Variants in GPR158 observed in about 807,000 individuals in gnomAD.
GPR158 encodes metabotropic glycine receptor.
Under a neutral mutation model 78.2 loss-of-function variants are expected in GPR158, and 30 were observed. That is an observed-to-expected ratio of 0.38 (90% confidence interval 0.29 to 0.52). GPR158 has a LOEUF of 0.52. Ranked by LOEUF, GPR158 falls within the 20% of genes least tolerant of loss-of-function variation. The pLI is 0.83. For missense variants in GPR158, 1,463 were observed against 1,523.5 expected (o/e 0.96, Z 0.66); for synonymous variants, 581 against 591.1 (o/e 0.98, Z 0.25).
rs1837374700 is a variant in GPR158 at position 25,594,322 on chromosome 10, T to C, written c.1923T>C (p.Asp641=). ...TTCTTGCCTCAAGACTTCAGTCTGA[T>C]TGGATGTTGATGCTGTATTTTGCAC... ...RFVLASRLQS[D]WMLMLYFAHT... Residue 641 remains aspartate, a synonymous_variant, in exon 9 of 11, where the codon GAT becomes GAC. Coordinates refer to ENST00000376351, the MANE Select transcript of GPR158 (RefSeq NM_020752.3). 1.3e-6 allele frequency: 2 copies of C among 1,588,970 alleles called. No homozygotes were observed. The highest frequency in any genetic ancestry group is 1.3e-5 in the African/African-American group (1 of 74,382).
At chr10:25,413,741 T>C (rs925568024) in intron 4 of GPR158, among the ~76,000 whole-genome samples, 2 of 152,184 alleles carry the variant, frequency 1.3e-5, no homozygotes, top group South Asian at 2.1e-4. Flanking sequence ...TTCTAGGAGA[T>C]TGTATTCATT....
chr10:25,339,874 G>T (rs1465263560), intron 2 of GPR158, among the ~76,000 whole-genome samples: 1 of 152,050 alleles, frequency 6.6e-6, no homozygotes, highest in African/African-American at 2.4e-5. Flanking sequence ...ATTATAATAG[G>T]TTATTTTGTG....
At chr10:25,189,775 T>TA (rs1231826249) in intron 1 of GPR158, among the ~76,000 whole-genome samples, 2 of 144,334 alleles carry the variant, frequency 1.4e-5, no homozygotes, top group Non-Finnish European at 1.5e-5. Context: ...CCCTAGAACT[T>TA]AAAGTATAAT....
At chr10:25,295,563 G>A (rs916911967) in intron 2 of GPR158, among the ~76,000 whole-genome samples, 5 of 151,994 alleles carry the variant, frequency 3.3e-5, no homozygotes, top group East Asian at 1.9e-4. Context: ...ACAGGCGCCC[G>A]CCACTACGCC....
chr10:25,478,450 G>A (rs1835617744), intron 5 of GPR158, among the ~76,000 whole-genome samples: 1 of 151,864 alleles, frequency 6.6e-6, no homozygotes, highest in Admixed American at 6.6e-5. Context: ...TGAGACAGAT[G>A]TGTAGATACA....
At chr10:25,593,400 G>T (rs1349864762) in intron 8 of GPR158, among the ~76,000 whole-genome samples, 2 of 151,930 alleles carry the variant, frequency 1.3e-5, no homozygotes, top group African/African-American at 4.8e-5. Context: ...ATTTTCTTAG[G>T]ATGTTAACTT....
Position 25,322,776 on chromosome 10 carries a change from T to C in GPR158, c.1009-73135T>C, listed in dbSNP as rs758828573. Among the ~76,000 whole-genome samples the C allele has an allele frequency of 2.2e-4, 33 of 152,186 alleles. 1 individual carries two copies. The highest frequency in any genetic ancestry group is 1.4e-3 in the South Asian group (7 of 4,828). ...AACAACATTAATCTTCCTGTATATC[T>C]CCATCAGGGGTCTTGGGTGACTGTG... On this transcript the variant is annotated intron_variant, in intron 2 of 10. Coordinates refer to ENST00000376351, the MANE Select transcript of GPR158 (RefSeq NM_020752.3).
intron 4 of GPR158, among the ~76,000 whole-genome samples, chr10:25,464,676 T>G (rs1835399009): frequency 6.6e-6 from 1 of 152,252 alleles, no homozygotes; most frequent in East Asian, 1.9e-4. Flanking sequence ...AAAGTCTGTC[T>G]TCTTCATCGT....
chr10:25,328,760 G>GAA (rs1855071897), intron 2 of GPR158, among the ~76,000 whole-genome samples: 14 of 151,570 alleles, frequency 9.2e-5, no homozygotes, highest in Admixed American at 8.5e-4. Flanking sequence ...AACCCCGTCT[G>GAA]TACTAAAAAT....
chr10:25,189,490 C>T (rs950931757), intron 1 of GPR158, among the ~76,000 whole-genome samples: 2 of 152,094 alleles, frequency 1.3e-5, no homozygotes, highest in African/African-American at 4.8e-5. Context: ...TTTGTAGGGA[C>T]ATGGATAAAG....
chr10:25,222,301 T>A (rs985321852), intron 2 of GPR158, among the ~76,000 whole-genome samples: 1 of 151,364 alleles, frequency 6.6e-6, no homozygotes, highest in Non-Finnish European at 1.5e-5. Flanking sequence ...CTCCACAGCA[T>A]CCCTCAATCC....
intron 5 of GPR158, among the ~76,000 whole-genome samples, chr10:25,468,726 G>A (rs983806318): frequency 6.6e-6 from 1 of 152,202 alleles, no homozygotes; most frequent in Non-Finnish European, 1.5e-5. Context: ...GATAAGTACT[G>A]ACTTTACAAG....
chr10:25,570,632 G>A (rs149972226), intron 6 of GPR158, among the ~76,000 whole-genome samples: 1,870 of 152,138 alleles, frequency 0.012, 16 homozygotes, highest in Middle Eastern at 0.037. Context: ...GTCTCCTTGC[G>A]TGGGCACGGT....
chr10:25,489,091 C>T (rs1290230588), intron 5 of GPR158, among the ~76,000 whole-genome samples: 5 of 152,054 alleles, frequency 3.3e-5, no homozygotes, highest in African/African-American at 4.8e-5. Context: ...TAGACAAAAA[C>T]TTGTTGGCCT....
chr10:25,312,076 A>AT (rs1416235240), intron 2 of GPR158, among the ~76,000 whole-genome samples: 3 of 151,934 alleles, frequency 2.0e-5, no homozygotes, highest in Non-Finnish European at 2.9e-5. Context: ...GAAAATGAGG[A>AT]TTTTTTTGTA....
chr10:25,179,307 T>G (rs931833469), intron 1 of GPR158, among the ~76,000 whole-genome samples: 1 of 152,156 alleles, frequency 6.6e-6, no homozygotes, highest in Non-Finnish European at 1.5e-5. Context: ...CTTTTAAACA[T>G]GTGAAGTGTT....
chr10:25,235,869 T>C (rs1221961336), intron 2 of GPR158, among the ~76,000 whole-genome samples: 1 of 151,946 alleles, frequency 6.6e-6, no homozygotes, highest in African/African-American at 2.4e-5. Context: ...GCTAATTTTT[T>C]GTATTTTTAG....
At chr10:25,301,203 A>C (rs1404475799) in intron 2 of GPR158, among the ~76,000 whole-genome samples, 1 of 152,196 alleles carries the variant, frequency 6.6e-6, no homozygotes, top group African/African-American at 2.4e-5. Flanking sequence ...AATTGTTCAG[A>C]AATAGTGTTA....
chr10:25,439,442 G>T (rs1835039631), intron 4 of GPR158, among the ~76,000 whole-genome samples: 1 of 152,110 alleles, frequency 6.6e-6, no homozygotes. Context: ...TGAGATTTGG[G>T]AGAGGACACA....
Sources: allele counts gnomAD v4.1 joint callset (sites outside exome capture counted in the v4.1 genomes callset), GRCh38; gene constraint gnomAD v4.1.1; transcripts MANE v1.5; gene names NCBI Gene and HGNC (gene_info 2026-07-23, HGNC 2026-07-21).